GGTA1: variants seen among roughly 807,000 people sequenced by gnomAD.
The protein encoded by GGTA1 is glycoprotein alpha-galactosyltransferase 1 (inactive).
In GGTA1, 5 loss-of-function variants were observed where a neutral mutation model predicts 2.6. The observed-to-expected ratio is 1.92, with a 90% confidence interval of 1.00 to 4.04. GGTA1 has a LOEUF of 4.04. GGTA1 is among the 30% of genes most tolerant of loss of function. The pLI, the probability that GGTA1 is intolerant of heterozygous loss-of-function variation, is 0.00. For synonymous variants in GGTA1, 17 were observed against 5.0 expected, an observed-to-expected ratio of 3.38 and a Z score of -3.19; for missense variants, 50 against 16.7, an observed-to-expected ratio of 2.99 and a Z score of -3.47.
chr9:121,467,347 C>G (rs2065012666), intron 2 of GGTA1, among the ~76,000 whole-genome samples: 1 of 152,222 alleles, frequency 6.6e-6, no homozygotes, highest in Non-Finnish European at 1.5e-5. Flanking sequence ...CACACTCTCT[C>G]TCTCTCTCAA....
chr9:121,497,052 G>C (rs1277213579), intron 1 of GGTA1, among the ~76,000 whole-genome samples: 2 of 152,036 alleles, frequency 1.3e-5, no homozygotes, highest in African/African-American at 4.8e-5. Flanking sequence ...AATTAGCTGG[G>C]TATGGTGGTG....
At chr9:121,454,762 C>T (rs1208886120), downstream of GGTA1, among the ~76,000 whole-genome samples, 1 of 152,160 alleles carries the variant, frequency 6.6e-6, no homozygotes, top group African/African-American at 2.4e-5. Context: ...CCTGCAATCC[C>T]AGCATTTTAG....
downstream of GGTA1, among the ~76,000 whole-genome samples, chr9:121,451,175 A>G (rs2118746838): frequency 6.6e-6 from 1 of 152,282 alleles, no homozygotes; most frequent in South Asian, 2.1e-4. Context: ...AACTAACATT[A>G]GAGCTAGAAC....
At chr9:121,449,017 C>T (rs2064865325) in intron 7 of GGTA1, among the ~76,000 whole-genome samples, 1 of 152,242 alleles carries the variant, frequency 6.6e-6, no homozygotes, top group African/African-American at 2.4e-5. Context: ...GACCTTTTTA[C>T]TGTCTCCATA....
chr9:121,475,431 T>C (rs1377873013), intron 1 of GGTA1, among the ~76,000 whole-genome samples: 1 of 152,204 alleles, frequency 6.6e-6, no homozygotes, highest in Non-Finnish European at 1.5e-5. Flanking sequence ...ACTCTCCTAA[T>C]AAACTTGCTT....
chr9:121,457,709 A>AAC (rs967774341), intron 5 of GGTA1, among the ~76,000 whole-genome samples: 12 of 150,326 alleles, frequency 8.0e-5, no homozygotes, highest in Non-Finnish European at 1.5e-4. Flanking sequence ...TTAAAAAAAA[A>AAC]AAAAAAACAG....
chr9:121,475,934 G>A (rs1442614023), intron 1 of GGTA1, among the ~76,000 whole-genome samples: 1 of 152,100 alleles, frequency 6.6e-6, no homozygotes, highest in Non-Finnish European at 1.5e-5. Flanking sequence ...AGTCCTAGAT[G>A]TACACCTTAG....
Position 121,463,343 on chromosome 9 carries a change from G to C in GGTA1, c.81-15C>G, listed in dbSNP as rs1203075621. Reference sequence around the variant, plus strand: ...AGCCTTCTGTGCTAAAAGCAAAAAAGAAATAAAAACATATCATGTTACTTT... The same window carrying C: ...AGCCTTCTGTGCTAAAAGCAAAAAACAAATAAAAACATATCATGTTACTTT... On this transcript the variant is annotated splice_polypyrimidine_tract_variant and intron_variant, in intron 2 of 5. Transcript: ENST00000481799. The C allele has an allele frequency of 6.6e-6, 3 of 453,004 alleles. No homozygotes were observed. Among genetic ancestry groups the C allele is most frequent in the Non-Finnish European group, 1.3e-5 (3 of 225,774 alleles). 28.1% of individuals were successfully genotyped at this position (453,004 alleles called of 1,614,324 possible). A position where few individuals can be genotyped will look rare whatever the true frequency, so the allele number is the denominator to read the frequency against.
In GGTA1 at chr9:121,467,939, A is replaced by G. The variant is rs1564653423; in HGVS notation, c.-9-8T>C. 1 of 455,592 alleles carries G rather than the reference A, an allele frequency of 2.2e-6. No homozygotes were observed. The highest frequency in any genetic ancestry group is 4.4e-6 in the Non-Finnish European group (1 of 226,626). 28.2% of individuals were successfully genotyped at this position (455,592 alleles called of 1,614,324 possible). ...GACATTCATTATTTTCTCCTAGGAA[A>G]AAAGAAGAGGGGAGAAAAAAAGAGA... On this transcript the variant is annotated splice_polypyrimidine_tract_variant and splice_region_variant and intron_variant, in intron 1 of 5. Transcript: ENST00000481799.
At chr9:121,475,662 C>G (rs1483884456) in intron 1 of GGTA1, among the ~76,000 whole-genome samples, 5 of 152,208 alleles carry the variant, frequency 3.3e-5, no homozygotes, top group African/African-American at 4.8e-5. Flanking sequence ...AGATGCTTTA[C>G]TGAACAAGAT....
At chr9:121,451,389 G>A (rs1564649497), downstream of GGTA1, among the ~76,000 whole-genome samples, 1 of 152,174 alleles carries the variant, frequency 6.6e-6, no homozygotes, top group South Asian at 2.1e-4. Flanking sequence ...GTTTCACCGT[G>A]TTAGCTAGGA....
intron 1 of GGTA1, among the ~76,000 whole-genome samples, chr9:121,474,833 C>CGCAGGCTCCACCTTTCT (rs71370657): frequency 6.6e-6 from 1 of 151,670 alleles, no homozygotes. Flanking sequence ...AAGCCTTCTC[C>CGCAGGCTCCACCTTTCT]GCAGGCTAAA....
At chr9:121,453,189 G>A (rs558041055), downstream of GGTA1, among the ~76,000 whole-genome samples, 1 of 152,340 alleles carries the variant, frequency 6.6e-6, no homozygotes, top group Non-Finnish European at 1.5e-5. Flanking sequence ...AGGAGACAAA[G>A]GCGCCAGAAA....
At chr9:121,483,513 G>C (rs796128314) in intron 1 of GGTA1, among the ~76,000 whole-genome samples, 49 of 152,274 alleles carry the variant, frequency 3.2e-4, no homozygotes, top group African/African-American at 1.1e-3. Flanking sequence ...GAAAGCCAGA[G>C]AACCGTAGCA....
chr9:121,490,374 C>T (rs1828849889), intron 1 of GGTA1, among the ~76,000 whole-genome samples: 1 of 152,214 alleles, frequency 6.6e-6, no homozygotes, highest in African/African-American at 2.4e-5. Context: ...CACCCGATCT[C>T]ATCTGAAACC....
intron 7 of GGTA1, among the ~76,000 whole-genome samples, chr9:121,449,566 G>T (rs934515374): frequency 2.6e-5 from 4 of 152,192 alleles, no homozygotes; most frequent in Non-Finnish European, 5.9e-5. Flanking sequence ...CCATTGCCGG[G>T]CACGGTGGCT....
chr9:121,481,448 A>C (rs1327558980), intron 1 of GGTA1, among the ~76,000 whole-genome samples: 1 of 152,170 alleles, frequency 6.6e-6, no homozygotes, highest in Non-Finnish European at 1.5e-5. Flanking sequence ...GCACTTTGGG[A>C]GGCTGAGGCA....
At chr9:121,487,888 G>T (rs1185080743) in intron 1 of GGTA1, among the ~76,000 whole-genome samples, 1 of 151,886 alleles carries the variant, frequency 6.6e-6, no homozygotes, top group Non-Finnish European at 1.5e-5. Context: ...GCTAATTTTT[G>T]TATTTTTAGC....
chr9:121,487,778 T>A (rs1828792250), intron 1 of GGTA1, among the ~76,000 whole-genome samples: 1 of 150,246 alleles, frequency 6.7e-6, no homozygotes, highest in African/African-American at 2.4e-5. Context: ...TGCAGTGGCA[T>A]GATCCCAGCT....
Sources: gnomAD v4.1 joint callset for allele counts (sites outside exome capture counted in the v4.1 genomes callset) on GRCh38, gnomAD v4.1.1 for gene constraint, MANE v1.5 for transcripts, NCBI Gene and HGNC (gene_info 2026-07-23, HGNC 2026-07-21) for gene names.